DPP6: variants seen among roughly 807,000 people sequenced by gnomAD.
DPP6 encodes dipeptidyl peptidase like 6, also known as A-type potassium channel modulatory protein DPP6.
DPP6 carries 69 observed loss-of-function variants against 122.6 expected under a neutral mutation model. The ratio of observed to expected loss-of-function variants is 0.56; its 90% CI spans 0.46 to 0.69. DPP6 has a LOEUF of 0.69. DPP6 is among the 30% of genes least tolerant of loss of function. The probability of loss-of-function intolerance (pLI) is 0.00; values close to 1 mark genes in which losing one functional copy is unlikely to be tolerated. For synonymous variants in DPP6, 418 were observed against 433.1 expected (o/e 0.97, Z 0.43); for missense variants, 928 against 1,116.9 (o/e 0.83, Z 2.41).
chr7:153,891,230 G>A (rs1003054836), intron 1 of DPP6, among the ~76,000 whole-genome samples: 2 of 149,858 alleles, frequency 1.3e-5, no homozygotes, highest in African/African-American at 4.9e-5. Flanking sequence ...CGCCATGTTA[G>A]CCAGGATGGT....
chr7:154,679,862 G>C (rs1839178259), intron 7 of DPP6, among the ~76,000 whole-genome samples: 1 of 152,254 alleles, frequency 6.6e-6, no homozygotes. Flanking sequence ...AGACAGTTTG[G>C]TGAGTGATTT....
intron 18 of DPP6, among the ~76,000 whole-genome samples, chr7:154,868,697 T>C (rs61138631): frequency 0.077 from 11,696 of 152,196 alleles, 1,463 homozygotes; most frequent in African/African-American, 0.26. Flanking sequence ...CTCACAGCTC[T>C]AGGAGGGAGG....
chr7:154,232,287 G>A (rs1476163262), intron 1 of DPP6, among the ~76,000 whole-genome samples: 3 of 152,140 alleles, frequency 2.0e-5, no homozygotes, highest in Non-Finnish European at 2.9e-5. Context: ...GAAACAGGGT[G>A]TCCCAGCAAA....
rs1451462892 is a variant in DPP6, at chr7:154,076,148, A to AT, written c.243+23086dup. 2.6e-4 allele frequency among the ~76,000 whole-genome samples: 40 copies of AT among 152,164 alleles called. No individual in the cohort carries two copies. In the East Asian group the frequency reaches 7.4e-3, roughly 28 times the overall value. On this transcript the variant is annotated intron_variant, in intron 1 of 25. Transcript: ENST00000377770. ...TGTAAAGAGTAAAACTGGGTTTAAAATATTTTTTTTTAAAAAAAAGGCTGG... is the reference window on the plus strand; with the variant it reads ...TGTAAAGAGTAAAACTGGGTTTAAAATTATTTTTTTTTAAAAAAAAGGCTGG...
intron 5 of DPP6, among the ~76,000 whole-genome samples, chr7:154,596,052 G>A (rs992656920): frequency 1.1e-4 from 17 of 152,188 alleles, no homozygotes; most frequent in Admixed American, 8.5e-4. Flanking sequence ...AGAGCGAGAC[G>A]CCATCTCAAA....
chr7:154,163,364 T>C (rs1797075774), intron 1 of DPP6, among the ~76,000 whole-genome samples: 3 of 152,234 alleles, frequency 2.0e-5, no homozygotes, highest in Admixed American at 2.0e-4. Flanking sequence ...ACTTCAGTTA[T>C]TTTACTTGCT....
intron 1 of DPP6, among the ~76,000 whole-genome samples, chr7:153,963,996 TTTTA>T (rs71520137): frequency 1.3e-5 from 2 of 152,090 alleles, no homozygotes; most frequent in Non-Finnish European, 2.9e-5. Flanking sequence ...TCTTTTTACC[TTTTA>T]TTTATTTATT....
At chr7:153,903,443 A>G (rs1027233156) in intron 1 of DPP6, among the ~76,000 whole-genome samples, 19 of 152,224 alleles carry the variant, frequency 1.2e-4, no homozygotes, top group African/African-American at 2.4e-5. Flanking sequence ...TAATATCTTT[A>G]GTTTTCAAAT....
At chr7:154,849,321 T>C (rs1265008110) in intron 16 of DPP6, among the ~76,000 whole-genome samples, 1 of 152,238 alleles carries the variant, frequency 6.6e-6, no homozygotes, top group Non-Finnish European at 1.5e-5. Context: ...AAGGGATATC[T>C]TTCCATTTAT....
At chr7:154,460,905 C>T (rs1300252703) in intron 2 of DPP6, among the ~76,000 whole-genome samples, 1 of 152,160 alleles carries the variant, frequency 6.6e-6, no homozygotes, top group East Asian at 1.9e-4. Flanking sequence ...GTATTATTGA[C>T]TGTAGTCACA....
chr7:153,848,731 A>G, the DPP6 span, among the ~76,000 whole-genome samples: 1 of 152,084 alleles, frequency 6.6e-6, no homozygotes, highest in Non-Finnish European at 1.5e-5. Context: ...AGTTCACAAA[A>G]TCTCTCTTAA....
At chr7:153,764,462 C>T in the DPP6 span, among the ~76,000 whole-genome samples, 1 of 152,156 alleles carries the variant, frequency 6.6e-6, no homozygotes, top group South Asian at 2.1e-4. Flanking sequence ...CTTAATTTCT[C>T]ACTTCTCCAA....
chr7:154,444,723 C>T (rs1274087077), intron 1 of DPP6, among the ~76,000 whole-genome samples: 1 of 152,186 alleles, frequency 6.6e-6, no homozygotes, highest in Non-Finnish European at 1.5e-5. Context: ...GGCTTATTTT[C>T]TTTCTGAATT....
chr7:154,122,207 G>A (rs1807524919), intron 1 of DPP6, among the ~76,000 whole-genome samples: 1 of 152,186 alleles, frequency 6.6e-6, no homozygotes, highest in African/African-American at 2.4e-5. Context: ...AGGAATGATT[G>A]TTCCCATCAC....
intron 1 of DPP6, among the ~76,000 whole-genome samples, chr7:154,125,536 G>A (rs772048522): frequency 1.3e-5 from 2 of 152,198 alleles, no homozygotes; most frequent in Admixed American, 1.3e-4. Context: ...AGGCCTGGCA[G>A]TCAATCCATG....
At chr7:154,691,273 C>T (rs186876718) in intron 7 of DPP6, among the ~76,000 whole-genome samples, 66 of 152,224 alleles carry the variant, frequency 4.3e-4, no homozygotes, top group African/African-American at 1.5e-3. Flanking sequence ...TTCTGTTTTC[C>T]GATGAGGAGC....
chr7:153,899,224 C>CT (rs1799541079), intron 1 of DPP6, among the ~76,000 whole-genome samples: 2 of 151,906 alleles, frequency 1.3e-5, no homozygotes, highest in East Asian at 1.9e-4. Flanking sequence ...TCTCCTCCTC[C>CT]TCCTTTGATT....
chr7:154,326,016 T>G (rs985567322), intron 1 of DPP6, among the ~76,000 whole-genome samples: 2 of 152,220 alleles, frequency 1.3e-5, no homozygotes, highest in Non-Finnish European at 2.9e-5. Context: ...AAAGCCTGCA[T>G]GAAGCCTGTA....
At chr7:153,848,271 C>T in the DPP6 span, among the ~76,000 whole-genome samples, 17 of 150,952 alleles carry the variant, frequency 1.1e-4, no homozygotes, top group African/African-American at 3.7e-4. Context: ...CTACCCCCAC[C>T]CCAGTCCTCA....
Sources: gnomAD v4.1 joint callset for allele counts (sites outside exome capture counted in the v4.1 genomes callset) on GRCh38, gnomAD v4.1.1 for gene constraint, MANE v1.5 for transcripts, NCBI Gene and HGNC (gene_info 2026-07-23, HGNC 2026-07-21) for gene names.